CEP290: variants seen among roughly 807,000 people sequenced by gnomAD.
CEP290 encodes the protein centrosomal protein 290.
A neutral mutation model predicts 344.9 loss-of-function variants in CEP290; 317 were observed. The observed-to-expected ratio is 0.92, with a 90% CI of 0.84 to 1.01. The LOEUF (loss-of-function observed/expected upper bound fraction) is 1.01, where lower values mean the gene tolerates loss of function less well. Ranked by LOEUF, CEP290 falls within the 50% of genes least tolerant of loss-of-function variation. The pLI, the probability that CEP290 is intolerant of heterozygous loss-of-function variation, is 0.00. For synonymous variants in CEP290, 932 were observed against 895.8 expected (o/e 1.04, Z -0.72); for missense variants, 2,754 against 2,761.4 (o/e 1.00, Z 0.06).
In CEP290 at chr12:88,089,152, T is replaced by C. The variant is rs2137271264; in HGVS notation, c.3909A>G (p.Glu1303=). 1 of 1,603,838 alleles carries C rather than the reference T, an allele frequency of 6.2e-7. No individual in the cohort carries two copies. Among genetic ancestry groups the C allele is most frequent in the Non-Finnish European group, 8.5e-7 (1 of 1,176,552 alleles). The change falls in exon 31 of 54, where the codon GAA becomes GAG. Residue 1303 remains glutamate, a synonymous_variant. Coordinates refer to ENST00000552810, the MANE Select transcript of CEP290 (RefSeq NM_025114.4). The part of the protein sequence containing the change: ...LQNDKLKIMQ[E]MKNSQQEHRN... ...TATGTTCTTGTTGAGAATTTTTCAT[T>C]TCTTGCATTATCTTAAGTTTGTCAT... is the stretch of plus-strand genomic sequence containing the variant.
At chr12:88,131,271 A>ATT in intron 6 of CEP290, 53 bp from the exon 7 acceptor site, 14 of 893,084 alleles carry the variant, frequency 1.6e-5, no homozygotes, top group South Asian at 4.2e-5. Flanking sequence ...TTCAGCAGTA[A>ATT]TTTTTTTTTT....
Position 88,090,780 on chromosome 12 carries a change from T to G in CEP290, c.3521A>C (p.Gln1174Pro), listed in dbSNP as rs768552077. The G allele has an allele frequency of 1.3e-6, 2 of 1,563,510 alleles. No individual in the cohort carries two copies. The highest frequency in any genetic ancestry group is 2.4e-5 in the South Asian group (2 of 84,956). ...GGACTCTACTTCCTTGTCCCTAGAT[T>G]GTTGTTGTGCATTCAAAATTTCAAC... Reference protein sequence around the residue: ...RQVEILNAQQQSRDKEVESLR... With the variant: ...RQVEILNAQQPSRDKEVESLR... Residue 1174 changes from glutamine to proline, a missense_variant, in exon 30 of 54, where the codon CAA becomes CCA. Coordinates refer to ENST00000552810, the MANE Select transcript of CEP290 (RefSeq NM_025114.4).
chr12:88,108,851 T>C (rs1054180459), intron 23 of CEP290, among the ~76,000 whole-genome samples: 4 of 152,016 alleles, frequency 2.6e-5, no homozygotes, highest in Non-Finnish European at 4.4e-5. Context: ...GTTAAATGAC[T>C]CAAACCCAGG....
rs796073911 is a variant in CEP290, at chr12:88,083,040, A to G, written c.5003T>C (p.Ile1668Thr). The G allele has an allele frequency of 5.4e-6, 8 of 1,485,648 alleles. 1 individual carries two copies. The African/African-American group carries it at 5.7e-5, about 11-fold the overall frequency. The allele number at this position is 1,485,648 out of a possible 1,614,324, so 92.0% of individuals were successfully genotyped here. A position where few individuals can be genotyped will look rare whatever the true frequency, so the allele number is the denominator to read the frequency against. Residue 1668 changes from isoleucine to threonine, a missense_variant, in exon 37 of 54, where the codon ATC becomes ACC. Coordinates refer to ENST00000552810, the MANE Select transcript of CEP290 (RefSeq NM_025114.4). ...CATTTCGAAGACTTACTGTAATTTG[A>G]TATTTTCAAATTCTTTTACTTTTAA... ...TELKVKEFEN[I>T]KLQLQENHED...
At position 88,111,351 on chromosome 12, in the gene CEP290, T is replaced by A. The variant is rs754736974; in HGVS notation, c.2218A>T (p.Ile740Leu). The A allele has an allele frequency of 7.0e-6, 11 of 1,562,192 alleles. No homozygotes were observed. Among genetic ancestry groups the A allele is most frequent in the Non-Finnish European group, 9.5e-6 (11 of 1,156,182 alleles). Residue 740 changes from isoleucine (I) to leucine (L), a missense_variant and splice_region_variant, in exon 22 of 54, where the codon ATA (isoleucine) becomes TTA (leucine). Ile to Leu is a conservative substitution (Grantham distance 5). Coordinates refer to ENST00000552810, the MANE Select transcript of CEP290 (RefSeq NM_025114.4). ...CTAGTTTCTTTTTCAAGATGGTCTA[T>A]CTGGAAAAAAAAATCCAGCAATGAG... ...SQQLAKANLK[I>L]DHLEKETSLL...
intron 34 of CEP290, 85 bp from the exon 35 acceptor site, chr12:88,084,937 C>T (rs1217423628): frequency 4.5e-6 from 5 of 1,110,138 alleles, no homozygotes; most frequent in Non-Finnish European, 5.0e-6. Flanking sequence ...AGTTATTAGC[C>T]AAAAAAAATT....
chr12:88,116,088 A>G, intron 18 of CEP290: 7 of 984,870 alleles, frequency 7.1e-6, no homozygotes, highest in Non-Finnish European at 8.4e-6. Context: ...CTTCTGCATT[A>G]TGTCTGAAGC....
chr12:88,139,663 G>A (rs777407207), intron 3 of CEP290, 99 bp from the exon 4 acceptor site: 2 of 817,270 alleles, frequency 2.4e-6, no homozygotes, highest in Non-Finnish European at 3.5e-6. Flanking sequence ...CTTAGTGCCA[G>A]CAATGGCTGG....
chr12:88,050,563 G>C (rs768088432), intron 52 of CEP290, 130 bp from the exon 53 acceptor site: 1 of 519,398 alleles, frequency 1.9e-6, no homozygotes, highest in Non-Finnish European at 3.3e-6. Flanking sequence ...TGGATGTTAT[G>C]GCTGAAATAC....
intron 14 of CEP290, among the ~76,000 whole-genome samples, chr12:88,120,784 G>C (rs1420531928): frequency 6.6e-6 from 1 of 152,102 alleles, no homozygotes; most frequent in Non-Finnish European, 1.5e-5. Context: ...TGATTATTTG[G>C]ACAAATCACT....
At chr12:88,096,282 C>T (rs1463902399) in intron 27 of CEP290, among the ~76,000 whole-genome samples, 1 of 152,092 alleles carries the variant, frequency 6.6e-6, no homozygotes, top group Non-Finnish European at 1.5e-5. Flanking sequence ...CTCCTGACCC[C>T]AGGGGATCTG....
intron 38 of CEP290, among the ~76,000 whole-genome samples, chr12:88,079,550 CACTT>C (rs1040693778): frequency 1.9e-4 from 29 of 152,192 alleles, no homozygotes; most frequent in African/African-American, 6.5e-4. Flanking sequence ...TTATATTACT[CACTT>C]ACTACATCCT....
intron 39 of CEP290, among the ~76,000 whole-genome samples, 165 bp from the exon 40 acceptor site, chr12:88,078,083 C>T (rs1041382317): frequency 6.7e-6 from 1 of 148,930 alleles, no homozygotes; most frequent in African/African-American, 2.5e-5. Flanking sequence ...TTTCCATATT[C>T]ATGTCAAGTC....
In CEP290 at chr12:88,089,423, C is replaced by G. The variant is rs1298290891; in HGVS notation, c.3638G>C (p.Ser1213Thr). 2.5e-6 allele frequency: 4 copies of G among 1,607,678 alleles called. No individual in the cohort carries two copies. The African/African-American group carries it at 5.3e-5, about 21-fold the overall frequency. ...CAACTTACCAAGAGCAGTAGCCTCA[C>G]TCAGTTGAAGAGAGACATTATGTTG... ...LHQHNVSLQL[S>T]EATALGKLES... is the part of the protein sequence containing the mutation. Residue 1213 changes from serine (S) to threonine (T), a missense_variant, in exon 31 of 54, where the codon AGT becomes ACT. By Grantham distance (58) the Ser-to-Thr change is moderately conservative. Coordinates refer to ENST00000552810, the MANE Select transcript of CEP290 (RefSeq NM_025114.4).
chr12:88,107,202 G>C (rs1172951118), intron 23 of CEP290, 104 bp from the exon 24 acceptor site: 1 of 647,178 alleles, frequency 1.5e-6, no homozygotes, highest in Non-Finnish European at 2.5e-6. Flanking sequence ...CTCAACACAA[G>C]AGGTATCATA....
intron 6 of CEP290, chr12:88,135,640 A>T (rs964726846): frequency 6.6e-6 from 1 of 152,184 alleles, no homozygotes; most frequent in Non-Finnish European, 1.5e-5. Flanking sequence ...AGTAAAATAC[A>T]TACATGAAGA....
intron 43 of CEP290, among the ~76,000 whole-genome samples, chr12:88,070,439 T>C (rs2035283017): frequency 6.6e-6 from 1 of 152,156 alleles, no homozygotes; most frequent in African/African-American, 2.4e-5. Flanking sequence ...AGAAAGGGAA[T>C]CTTTTAACAC....
chr12:88,129,944 A>C, intron 9 of CEP290, 68 bp from the exon 10 acceptor site: 1 of 1,018,530 alleles, frequency 9.8e-7, no homozygotes, highest in Non-Finnish European at 1.4e-6. Flanking sequence ...ACCAAATTAA[A>C]ATTAAACGCA....
intron 32 of CEP290, 124 bp from the exon 33 acceptor site, chr12:88,086,622 T>G (rs1397763596): frequency 1.4e-5 from 9 of 651,332 alleles, no homozygotes; most frequent in Non-Finnish European, 2.2e-5. Flanking sequence ...TATTTTCCTT[T>G]TATGGAAAAA....
Sources: allele counts gnomAD v4.1 joint callset (sites outside exome capture counted in the v4.1 genomes callset), GRCh38; gene constraint gnomAD v4.1.1; transcripts MANE v1.5; gene names NCBI Gene and HGNC (gene_info 2026-07-23, HGNC 2026-07-21).